HSPA9: variants seen among roughly 807,000 people sequenced by gnomAD.
HSPA9 encodes the protein stress-70 protein, mitochondrial.
Under a neutral mutation model 81.5 loss-of-function variants are expected in HSPA9, and 28 were observed. The observed-to-expected ratio is 0.34, with a 90% confidence interval of 0.25 to 0.47. The LOEUF (loss-of-function observed/expected upper bound fraction) is 0.47. HSPA9 is among the 20% of genes least tolerant of loss of function. HSPA9 has a pLI of 1.00. For synonymous variants in HSPA9, 293 were observed against 290.4 expected (o/e 1.01, Z -0.09); for missense variants, 678 against 838.0 (o/e 0.81, Z 2.36).
At chr5:138,563,855 T>C (rs1423228536) in intron 9 of HSPA9, among the ~76,000 whole-genome samples, 1 of 152,232 alleles carries the variant, frequency 6.6e-6, no homozygotes, top group Non-Finnish European at 1.5e-5. Flanking sequence ...TTCAAAGCCA[T>C]TCTAGGCTGC....
Position 138,555,033 on chromosome 5 carries a change from TGTTAGAGATCTAAAAAC to T in HSPA9, c.*987_*1003del, listed in dbSNP as rs1750489590. On this transcript the variant is annotated 3_prime_UTR_variant, in exon 17 of 17. Transcript: ENST00000297185. ...CTGAAAATAGCCACCTTGGTTTTCA[TGTTAGAGATCTAAAAAC>T]TTTCATGTTAGAGATCTAGAAACTT... The T allele has an allele frequency of 7.0e-6, 1 of 142,274 alleles. No individual in the cohort carries two copies. The highest frequency in any genetic ancestry group is 6.8e-5 in the Admixed American group (1 of 14,780). 8.8% of individuals were successfully genotyped at this position (142,274 alleles called of 1,614,324 possible). A position where few individuals can be genotyped will look rare whatever the true frequency, so the allele number is the denominator to read the frequency against.
chr5:138,570,369 A>G (rs1462070687), intron 4 of HSPA9, among the ~76,000 whole-genome samples: 1 of 152,222 alleles, frequency 6.6e-6, no homozygotes, highest in Non-Finnish European at 1.5e-5. Flanking sequence ...TCAACACATG[A>G]TAGAACCTAT....
chr5:138,568,669 G>GT (rs1286351413), intron 5 of HSPA9, among the ~76,000 whole-genome samples: 2 of 152,184 alleles, frequency 1.3e-5, no homozygotes, highest in African/African-American at 4.8e-5. Context: ...AGCTTAATGT[G>GT]TAGTCTTGTG....
intron 16 of HSPA9, 84 bp from the exon 17 acceptor site, chr5:138,556,198 C>T (rs1401083871): frequency 1.8e-6 from 2 of 1,118,132 alleles, no homozygotes; most frequent in Non-Finnish European, 2.7e-6. Context: ...GATGAGGGAC[C>T]CACATATGTC....
Position 138,566,674 on chromosome 5 carries a change from T to C in HSPA9, c.924A>G (p.Val308=). The C allele has an allele frequency of 5.6e-6, 9 of 1,614,126 alleles. No individual in the cohort carries two copies. The highest frequency in any genetic ancestry group is 1.1e-5 in the South Asian group (1 of 91,084). ...ATTTAGCCTTTTCAGCAGCTTCCCG[T>C]ACCCTCTGAAGTGCCATGTTGTCTT... ...LTKDNMALQR[V]REAAEKAKCE... is the part of the protein sequence containing the mutation. The change falls in exon 9 of 17, where the codon GTA becomes GTG. Residue 308 remains valine, a synonymous_variant. Transcript: ENST00000297185.
At chr5:138,566,505 GA>G in intron 9 of HSPA9, 120 bp downstream of exon 9, 3 of 790,924 alleles carry the variant, frequency 3.8e-6, no homozygotes, top group African/African-American at 1.7e-5. Context: ...CCAGAAAACT[GA>G]AAAAACAAAC....
chr5:138,566,703 T>C lies in HSPA9; in HGVS notation c.895A>G (p.Thr299Ala). The C allele has an allele frequency of 1.9e-6, 3 of 1,613,672 alleles. No homozygotes were observed. The highest frequency in any genetic ancestry group is 2.5e-6 in the Non-Finnish European group (3 of 1,179,608). Residue 299 changes from threonine (T) to alanine (A), a missense_variant, in exon 9 of 17, where the codon ACT (threonine) becomes GCT (alanine). By Grantham distance (58) the Thr-to-Ala change is moderately conservative. Around this residue, in one of 4 missense-constraint regions of HSPA9, gnomAD observed 484 missense variants for 647.5 expected, o/e 0.75. Transcript: ENST00000297185. ...EFKRETGVDL[T>A]KDNMALQRVR... Reference sequence around the variant, plus strand: ...CTCTGAAGTGCCATGTTGTCTTTAGTCAAATCAACCCCTGTCTATAAAGTG... The same window carrying C: ...CTCTGAAGTGCCATGTTGTCTTTAGCCAAATCAACCCCTGTCTATAAAGTG...
At position 138,567,106 on chromosome 5, in the gene HSPA9, C is replaced by A; in HGVS notation, c.774G>T (p.Gln258His). ...TGGATTTCACCTCAAATACTCCTTT[C>A]TGAATTTCCAGGATAGAAATATCAA... ...GTFDISILEI[Q>H]KGVFEVKSTN... Residue 258 changes from glutamine to histidine, a missense_variant, in exon 8 of 17, where the codon CAG becomes CAT. By Grantham distance (24) the Gln-to-His change is conservative. Around this residue, in one of 4 missense-constraint regions of HSPA9, gnomAD observed 484 missense variants for 647.5 expected, o/e 0.75. Coordinates refer to ENST00000297185, the MANE Select transcript of HSPA9 (RefSeq NM_004134.7). The A allele has an allele frequency of 6.2e-7, 1 of 1,613,718 alleles. No individual in the cohort carries two copies. The highest frequency in any genetic ancestry group is 8.5e-7 in the Non-Finnish European group (1 of 1,179,764).
chr5:138,561,140 G>A (rs1210335943), intron 10 of HSPA9: 1 of 464,438 alleles, frequency 2.2e-6, no homozygotes, highest in East Asian at 5.8e-5. Flanking sequence ...GCACTAAGCT[G>A]CAAAGACACA....
At chr5:138,561,842 C>T (rs1750667289) in intron 9 of HSPA9, 53 bp from the exon 10 acceptor site, 8 of 1,371,170 alleles carry the variant, frequency 5.8e-6, no homozygotes, top group Non-Finnish European at 8.3e-6. Context: ...ATGACGGTTA[C>T]ATTTATTATT....
rs894112131 is a variant in HSPA9 at position 138,554,010 on chromosome 5, C to T, written c.*2027G>A. Among the ~76,000 whole-genome samples the T allele has an allele frequency of 6.6e-6, 1 of 152,202 alleles. No homozygotes were observed. The highest frequency in any genetic ancestry group is 2.4e-5 in the African/African-American group (1 of 41,450). ...CTGAAATTTTACCCCAACAGCTTTCCCAGCAGTGGACTGTGGGTGGGACCT... is the reference window on the plus strand; with the variant it reads ...CTGAAATTTTACCCCAACAGCTTTCTCAGCAGTGGACTGTGGGTGGGACCT... On this transcript the variant is annotated 3_prime_UTR_variant, in exon 17 of 17. Coordinates refer to ENST00000297185, the MANE Select transcript of HSPA9 (RefSeq NM_004134.7).
At chr5:138,566,815 C>T (rs1189598559) in intron 8 of HSPA9, 97 bp from the exon 9 acceptor site, 1 of 1,115,512 alleles carries the variant, frequency 9.0e-7, no homozygotes, top group Non-Finnish European at 1.4e-6. Flanking sequence ...GGAGTCATAC[C>T]TTTATATATA....
rs546184994 is a variant in HSPA9 at position 138,556,809 on chromosome 5, T to G, written c.1786A>C (p.Met596Leu). 3 of 1,613,992 alleles carry G rather than the reference T, an allele frequency of 1.9e-6. No homozygotes were observed. The South Asian group carries it at 3.3e-5, about 18-fold the overall frequency. ...GGTAATTGGTCCTTGAATTCTTCCA[T>G]CTTGGTTTCTGTGTCGTGAATGATT... is the stretch of plus-strand genomic sequence containing the variant. ...EGIIHDTETK[M>L]EEFKDQLPAD... The change falls in exon 15 of 17, where the codon ATG (methionine) becomes CTG (leucine). Residue 596 changes from methionine to leucine, a missense_variant. Physicochemically the swap from Met to Leu is conservative, Grantham distance 15. Transcript: ENST00000297185.
intron 14 of HSPA9, 129 bp downstream of exon 14, chr5:138,557,273 T>C: frequency 1.4e-6 from 1 of 736,722 alleles, no homozygotes; most frequent in Non-Finnish European, 2.5e-6. Context: ...CTTCAAACGA[T>C]CTGCCCACCT....
chr5:138,559,731 A>T (rs1364316068), intron 11 of HSPA9, 133 bp downstream of exon 11: 2 of 710,494 alleles, frequency 2.8e-6, no homozygotes, highest in Non-Finnish European at 5.1e-6. Flanking sequence ...ACCCACAGTT[A>T]ACTGTTTAAT....
At chr5:138,559,719 C>T in intron 11 of HSPA9, 145 bp downstream of exon 11, 2 of 680,990 alleles carry the variant, frequency 2.9e-6, no homozygotes, top group Non-Finnish European at 5.3e-6. Flanking sequence ...AGGATTCTCA[C>T]CACCCACAGT....
intron 9 of HSPA9, among the ~76,000 whole-genome samples, chr5:138,563,028 CAGG>C (rs967551773): frequency 9.2e-5 from 14 of 152,178 alleles, no homozygotes; most frequent in Admixed American, 3.9e-4. Flanking sequence ...CACCTTTCTT[CAGG>C]AGAAGTATCC....
intron 13 of HSPA9, 107 bp from the exon 14 acceptor site, chr5:138,557,603 A>C (rs144870300): frequency 1.8e-5 from 14 of 799,134 alleles, no homozygotes; most frequent in Non-Finnish European, 2.6e-5. Flanking sequence ...ATCTTGATAC[A>C]AATTATGAAG....
At position 138,561,728 on chromosome 5, in the gene HSPA9, T is replaced by C. The variant is rs1743646001; in HGVS notation, c.1034A>G (p.Lys345Arg). The C allele has an allele frequency of 6.2e-7, 1 of 1,614,066 alleles. No homozygotes were observed. Among genetic ancestry groups the C allele is most frequent in the African/African-American group, 1.3e-5 (1 of 74,924 alleles). The change falls in exon 10 of 17, where the codon AAG becomes AGG. Residue 345 changes from lysine (K) to arginine (R), a missense_variant. Physicochemically the swap from Lys to Arg is conservative, Grantham distance 26. Around this residue, in one of 4 missense-constraint regions of HSPA9, gnomAD observed 484 missense variants for 647.5 expected, o/e 0.75. Coordinates refer to ENST00000297185, the MANE Select transcript of HSPA9 (RefSeq NM_004134.7). Reference sequence around the variant, plus strand: ...CCCTTCAAATTGAGCACGGGTCAACTTCATATTCAAATGCTTGGGTCCAGA... The same window carrying C: ...CCCTTCAAATTGAGCACGGGTCAACCTCATATTCAAATGCTTGGGTCCAGA... ...DSSGPKHLNM[K>R]LTRAQFEGIV...
Sources: allele counts gnomAD v4.1 joint callset (sites outside exome capture counted in the v4.1 genomes callset), GRCh38; gene constraint gnomAD v4.1.1; regional missense constraint gnomAD v4.1.1; transcripts MANE v1.5; gene names NCBI Gene and HGNC (gene_info 2026-07-23, HGNC 2026-07-21).